Variants in SHISA6 observed in about 807,000 individuals in gnomAD.
The protein encoded by SHISA6 is protein shisa-6.
Under a neutral mutation model 47.9 loss-of-function variants are expected in SHISA6, and 22 were observed. That is an observed-to-expected ratio of 0.46 (90% CI 0.33 to 0.66). The LOEUF (loss-of-function observed/expected upper bound fraction) is 0.66, where lower values mean the gene tolerates loss of function less well. Among genes scored for constraint, SHISA6 ranks in the 30% least tolerant of loss-of-function variants. The pLI, the probability that SHISA6 is intolerant of heterozygous loss-of-function variation, is 0.02. For synonymous variants in SHISA6, 388 were observed against 337.8 expected (o/e 1.15, Z -1.63); for missense variants, 680 against 764.6 (o/e 0.89, Z 1.30).
intron 1 of SHISA6, among the ~76,000 whole-genome samples, chr17:11,259,056 T>TTGGA (rs1189743378): frequency 6.6e-6 from 1 of 151,696 alleles, no homozygotes; most frequent in Non-Finnish European, 1.5e-5. Flanking sequence ...GGATAGAGTG[T>TTGGA]TGGATGGATG....
rs921051964 is a variant in SHISA6 at position 11,422,652 on chromosome 17, C to T, written c.895+43143C>T. Among the ~76,000 whole-genome samples the T allele has an allele frequency of 4.0e-5, 6 of 151,702 alleles. No homozygotes were observed. In the South Asian group the frequency reaches 8.3e-4, roughly 21 times the overall value. On this transcript the variant is annotated intron_variant, in intron 3 of 5. Coordinates refer to ENST00000441885, the MANE Select transcript of SHISA6 (RefSeq NM_207386.4). Reference sequence around the variant, plus strand: ...TGGTGCACGCCTGTAGTCCCAGCTACGCAAGAGGCTAAGGCACAGAGAATC... The same window carrying T: ...TGGTGCACGCCTGTAGTCCCAGCTATGCAAGAGGCTAAGGCACAGAGAATC...
At chr17:11,258,056 C>A (rs1361680912) in intron 1 of SHISA6, among the ~76,000 whole-genome samples, 1 of 152,144 alleles carries the variant, frequency 6.6e-6, no homozygotes, top group East Asian at 1.9e-4. Flanking sequence ...TTAGAAAGTT[C>A]TTCAAAAACA....
chr17:11,326,888 T>C (rs962573247), intron 2 of SHISA6, among the ~76,000 whole-genome samples: 1 of 152,156 alleles, frequency 6.6e-6, no homozygotes, highest in African/African-American at 2.4e-5. Flanking sequence ...TCTTACCACA[T>C]CCGCAGCAAC....
intron 3 of SHISA6, among the ~76,000 whole-genome samples, chr17:11,493,575 G>GCA (rs1321213250): frequency 1.8e-4 from 7 of 38,268 alleles, no homozygotes; most frequent in South Asian, 9.1e-4. Flanking sequence ...ATACACGCGT[G>GCA]CGCGCGCACA....
intron 2 of SHISA6, among the ~76,000 whole-genome samples, chr17:11,291,469 A>G (rs1325311628): frequency 6.6e-6 from 1 of 151,964 alleles, no homozygotes; most frequent in Non-Finnish European, 1.5e-5. Context: ...CCCCGTCTCT[A>G]CTGAAAATAC....
At position 11,318,670 on chromosome 17, in the gene SHISA6, C is replaced by T. The variant is rs911758816; in HGVS notation, c.799+55144C>T. On this transcript the variant is annotated intron_variant, in intron 2 of 5. Transcript: ENST00000441885. ...CTATTTTTCCTACTACCATAAGCTC[C>T]ATGAGAGTAGGGACTGTGTCTGTTT... is the stretch of plus-strand genomic sequence containing the variant. Among the ~76,000 whole-genome samples the T allele has an allele frequency of 3.3e-5, 5 of 152,206 alleles. No homozygotes were observed. The South Asian group carries it at 1.0e-3, about 31-fold the overall frequency.
intron 3 of SHISA6, among the ~76,000 whole-genome samples, chr17:11,427,195 A>G (rs1178329511): frequency 6.6e-6 from 1 of 152,040 alleles, no homozygotes; most frequent in Non-Finnish European, 1.5e-5. Flanking sequence ...GTGCAGTGGC[A>G]TAGTCTCGGC....
At chr17:11,253,587 T>C (rs1162039139) in intron 1 of SHISA6, among the ~76,000 whole-genome samples, 1 of 152,100 alleles carries the variant, frequency 6.6e-6, no homozygotes, top group African/African-American at 2.4e-5. Flanking sequence ...CTTTAAAGTG[T>C]TTTGGAATTT....
intron 3 of SHISA6, among the ~76,000 whole-genome samples, chr17:11,479,846 GT>G (rs976289458): frequency 2.0e-5 from 3 of 151,670 alleles, no homozygotes; most frequent in Non-Finnish European, 4.4e-5. Context: ...AGAAATAAGA[GT>G]TTTTATTTTA....
chr17:11,363,466 T>C (rs1405180909), intron 2 of SHISA6, among the ~76,000 whole-genome samples: 1 of 152,218 alleles, frequency 6.6e-6, no homozygotes, highest in Non-Finnish European at 1.5e-5. Context: ...TTCTCAGTTT[T>C]CTACTGAAAG....
At chr17:11,502,416 A>G (rs2071462138) in intron 3 of SHISA6, among the ~76,000 whole-genome samples, 1 of 133,868 alleles carries the variant, frequency 7.5e-6, no homozygotes. Flanking sequence ...CTCAAAAAAA[A>G]AAAAAAAAAA....
chr17:11,288,185 A>G (rs368849599), intron 2 of SHISA6: 3 of 152,198 alleles, frequency 2.0e-5, no homozygotes, highest in South Asian at 2.1e-4. Flanking sequence ...TAAATGATCA[A>G]TACTTCCTTA....
intron 3 of SHISA6, among the ~76,000 whole-genome samples, chr17:11,382,916 A>G (rs7215631): frequency 0.028 from 4,098 of 146,534 alleles, 196 homozygotes; most frequent in African/African-American, 0.097. Context: ...AGTCGACATC[A>G]GTCCTGTCAG....
Position 11,492,178 on chromosome 17 carries a change from G to A in SHISA6, c.896-59718G>A, listed in dbSNP as rs118191723. Among the ~76,000 whole-genome samples the A allele has an allele frequency of 8.8e-3, 1,332 of 152,214 alleles. 8 individuals are homozygous for A. Among genetic ancestry groups the A allele is most frequent in the South Asian group, 0.022 (107 of 4,820 alleles). ...CTTTATGTTCCTCTTGAGCTTTCCAGGAACACCCAGTCAAAGAAGGATGAG... is the reference window on the plus strand; with the variant it reads ...CTTTATGTTCCTCTTGAGCTTTCCAAGAACACCCAGTCAAAGAAGGATGAG... On this transcript the variant is annotated intron_variant, in intron 3 of 5. Transcript: ENST00000441885.
At chr17:11,444,820 G>A (rs950293382) in intron 3 of SHISA6, among the ~76,000 whole-genome samples, 3 of 152,140 alleles carry the variant, frequency 2.0e-5, no homozygotes, top group Non-Finnish European at 4.4e-5. Context: ...AGATTCAGAT[G>A]GGACTCTGAA....
chr17:11,269,614 A>C (rs1170853486), intron 2 of SHISA6, among the ~76,000 whole-genome samples: 1 of 152,192 alleles, frequency 6.6e-6, no homozygotes, highest in Admixed American at 6.5e-5. Context: ...CTGAACTGGG[A>C]AACTTCTGGT....
At chr17:11,316,706 T>C (rs1910537736) in intron 2 of SHISA6, among the ~76,000 whole-genome samples, 1 of 152,040 alleles carries the variant, frequency 6.6e-6, no homozygotes, top group East Asian at 1.9e-4. Context: ...AGGAGTGAGC[T>C]ACCACGCCCG....
At chr17:11,248,951 A>G (rs1907692496) in intron 1 of SHISA6, among the ~76,000 whole-genome samples, 2 of 152,084 alleles carry the variant, frequency 1.3e-5, no homozygotes, top group African/African-American at 4.8e-5. Context: ...CATCCCGGCT[A>G]ACACGGTGAA....
Position 11,558,115 on chromosome 17 carries a change from C to A in SHISA6, c.1467C>A (p.Arg489=). 2 of 1,551,478 alleles carry A rather than the reference C, an allele frequency of 1.3e-6. No individual in the cohort carries two copies. The highest frequency in any genetic ancestry group is 2.4e-5 in the South Asian group (2 of 84,068). ...TTGTGTCCACACCCGTGCTGGACCG[C>A]TACCGCATGAGCAAGATGCACTCTC... ...DVFVSTPVLD[R]YRMSKMHSHP... The change falls in exon 6 of 6, where the codon CGC becomes CGA. Residue 489 remains arginine, a synonymous_variant. Coordinates refer to ENST00000441885, the MANE Select transcript of SHISA6 (RefSeq NM_207386.4).
Sources: gnomAD v4.1 joint callset for allele counts (sites outside exome capture counted in the v4.1 genomes callset) on GRCh38, gnomAD v4.1.1 for gene constraint, MANE v1.5 for transcripts, NCBI Gene and HGNC (gene_info 2026-07-23, HGNC 2026-07-21) for gene names.